Variants in CDK13 observed in about 807,000 individuals in gnomAD.
CDK13 encodes the protein cyclin dependent kinase 13, also known as cyclin-dependent kinase 13.
Under a neutral mutation model 137.6 loss-of-function variants are expected in CDK13, and 40 were observed. That is an observed-to-expected ratio of 0.29 (90% CI 0.23 to 0.38). The LOEUF (loss-of-function observed/expected upper bound fraction) is 0.38, where lower values mean the gene tolerates loss of function less well. CDK13 is among the 10% of genes least tolerant of loss of function. The probability of loss-of-function intolerance (pLI) is 1.00; values close to 1 mark genes in which losing one functional copy is unlikely to be tolerated. For synonymous variants in CDK13, 869 were observed against 760.1 expected, an observed-to-expected ratio of 1.14 and a Z score of -2.36; for missense variants, 1,704 against 1,951.8, an observed-to-expected ratio of 0.87 and a Z score of 2.39.
intron 5 of CDK13, among the ~76,000 whole-genome samples, chr7:40,031,757 C>T (rs960952052): frequency 1.8e-4 from 27 of 151,400 alleles, no homozygotes; most frequent in African/African-American, 2.4e-4. Context: ...GTGATCCTCC[C>T]GCCTCAGCCT....
At chr7:40,014,952 AAAT>A (rs746627771) in intron 5 of CDK13, among the ~76,000 whole-genome samples, 3 of 152,202 alleles carry the variant, frequency 2.0e-5, no homozygotes, top group Non-Finnish European at 2.9e-5. Flanking sequence ...AGTGATCAAT[AAAT>A]TTTTTTGAGG....
At chr7:39,996,867 G>A (rs1465261826) in intron 2 of CDK13, among the ~76,000 whole-genome samples, 1 of 142,050 alleles carries the variant, frequency 7.0e-6, no homozygotes, top group Non-Finnish European at 1.5e-5. Flanking sequence ...GGAGGCTTGA[G>A]ACAAGATAAT....
intron 1 of CDK13, chr7:39,952,070 C>T (rs1787240452): frequency 1.2e-5 from 5 of 406,138 alleles, no homozygotes; most frequent in East Asian, 3.6e-5. Flanking sequence ...GAACTTTTCT[C>T]CTAGCTGTGG....
At chr7:39,997,451 A>G (rs953521064) in intron 2 of CDK13, 43 bp from the exon 3 acceptor site, 15 of 1,507,496 alleles carry the variant, frequency 1.0e-5, no homozygotes, top group Non-Finnish European at 1.3e-5. Context: ...TTTATTAGTC[A>G]ACAAAATTTT....
intron 9 of CDK13, chr7:40,069,901 G>A (rs1322157152): frequency 6.6e-6 from 1 of 152,102 alleles, no homozygotes; most frequent in Non-Finnish European, 1.5e-5. Flanking sequence ...GGCCAACATA[G>A]TGAAACCCCG....
At chr7:40,083,920 A>C (rs1345969186) in intron 11 of CDK13, among the ~76,000 whole-genome samples, 1 of 150,100 alleles carries the variant, frequency 6.7e-6, no homozygotes, top group Admixed American at 6.7e-5. Flanking sequence ...AGTTAAAATT[A>C]TGCATTACTT....
chr7:39,980,796 C>T (rs759668296), intron 1 of CDK13, among the ~76,000 whole-genome samples: 1 of 152,220 alleles, frequency 6.6e-6, no homozygotes, highest in Admixed American at 6.5e-5. Context: ...AAGACCTAGA[C>T]TCCTGGAGAA....
intron 6 of CDK13, 23 bp downstream of exon 6, chr7:40,046,048 T>C (rs1349551487): frequency 7.3e-7 from 1 of 1,364,310 alleles, no homozygotes; most frequent in African/African-American, 1.5e-5. Context: ...ACTTTATATA[T>C]ATTTAAAATG....
intron 5 of CDK13, among the ~76,000 whole-genome samples, chr7:40,042,435 T>C (rs1323625433): frequency 6.6e-6 from 1 of 151,410 alleles, no homozygotes; most frequent in African/African-American, 2.4e-5. Context: ...TAATCTAGTA[T>C]ATGTTATAGA....
In CDK13 at chr7:40,021,801, TGCAC is replaced by T. The variant is rs1431522033; in HGVS notation, c.2353+19771_2353+19774del. On this transcript the variant is annotated intron_variant, in intron 5 of 13. Transcript: ENST00000181839. ...ATAGGAAAAGTTAGAATTTTTGTCA[TGCAC>T]TAAATATGTGAAAAATAGCAACTAA... 5.5e-4 allele frequency among the ~76,000 whole-genome samples: 84 copies of T among 152,160 alleles called. 1 individual carries two copies. Among genetic ancestry groups the T allele is most frequent in the Non-Finnish European group, 6.2e-4 (42 of 67,904 alleles).
At chr7:40,088,038 T>TG in intron 11 of CDK13, 88 bp from the exon 12 acceptor site, 1 of 1,001,510 alleles carries the variant, frequency 1.0e-6, no homozygotes, top group Non-Finnish European at 1.5e-6. Flanking sequence ...CTATTTGGGG[T>TG]GGGGGCATAA....
At chr7:40,040,535 ACAAC>A (rs1259480280) in intron 5 of CDK13, among the ~76,000 whole-genome samples, 2 of 152,226 alleles carry the variant, frequency 1.3e-5, no homozygotes, top group Non-Finnish European at 1.5e-5. Context: ...TTACAGAAAA[ACAAC>A]CAATAAGTAT....
chr7:39,951,846 T>C lies in CDK13; in HGVS notation c.1205T>C (p.Val402Ala), dbSNP rs1787229251. Residue 402 changes from valine to alanine, a missense_variant, in exon 1 of 14, where the codon GTG becomes GCG. Physicochemically the swap from Val to Ala is moderately conservative, Grantham distance 64. Around this residue, in one of 5 missense-constraint regions of CDK13, gnomAD observed 1,051 missense variants for 931.0 expected, o/e 1.13. Coordinates refer to ENST00000181839, the MANE Select transcript of CDK13 (RefSeq NM_003718.5). ...WRRSRSPYSP[V>A]LRRSGKSRSR... ...CGCTCTCGCAGTCCCTACAGCCCTG[T>C]GCTCAGGTGAGTTCTGCCGTTCTGC... 2 of 1,392,224 alleles carry C rather than the reference T, an allele frequency of 1.4e-6. No homozygotes were observed. The highest frequency in any genetic ancestry group is 3.0e-5 in the African/African-American group (2 of 67,176). 86.2% of individuals were successfully genotyped at this position (1,392,224 alleles called of 1,614,324 possible).
chr7:40,020,907 A>G (rs1785102538), intron 5 of CDK13, among the ~76,000 whole-genome samples: 1 of 152,014 alleles, frequency 6.6e-6, no homozygotes, highest in African/African-American at 2.4e-5. Context: ...CCTGGCCAAC[A>G]TGGTGAAACA....
chr7:40,021,845 A>G (rs1785133291), intron 5 of CDK13, among the ~76,000 whole-genome samples: 2 of 152,206 alleles, frequency 1.3e-5, no homozygotes, highest in African/African-American at 2.4e-5. Context: ...TTTCTTTTCA[A>G]GCAGATAGTT....
intron 5 of CDK13, among the ~76,000 whole-genome samples, chr7:40,021,103 GTATA>G (rs146480658): frequency 0.18 from 7,774 of 42,470 alleles, 629 homozygotes; most frequent in African/African-American, 0.23. Context: ...GCAAACAAAC[GTATA>G]TATATATATA....
At position 40,098,723 on chromosome 7, in the gene CDK13, G is replaced by T. The variant is rs1329132403; in HGVS notation, c.*3743G>T. ...CTCTAAGCCATACCTAAATTCTGCA[G>T]TAAATACTTAACTTTTTAATAGGGA... is the stretch of plus-strand genomic sequence containing the variant. On this transcript the variant is annotated 3_prime_UTR_variant, in exon 14 of 14. Transcript: ENST00000181839. 6.6e-6 allele frequency: 1 copy of T among 152,026 alleles called. No homozygotes were observed. The highest frequency in any genetic ancestry group is 1.5e-5 in the Non-Finnish European group (1 of 67,962). 9.4% of individuals were successfully genotyped at this position (152,026 alleles called of 1,614,324 possible).
At chr7:39,970,257 A>G (rs150298498) in intron 1 of CDK13, among the ~76,000 whole-genome samples, 45 of 152,014 alleles carry the variant, frequency 3.0e-4, no homozygotes, top group South Asian at 2.1e-4. Flanking sequence ...TCTGCCTCCC[A>G]AAGTGCTGGG....
intron 3 of CDK13, 167 bp from the exon 4 acceptor site, chr7:39,999,194 T>TA (rs1784632339): frequency 1.5e-5 from 7 of 468,466 alleles, no homozygotes; most frequent in Non-Finnish European, 2.6e-5. Context: ...TACGATAACT[T>TA]ACAATACCAA....
Sources: allele counts gnomAD v4.1 joint callset (sites outside exome capture counted in the v4.1 genomes callset), GRCh38; gene constraint gnomAD v4.1.1; regional missense constraint gnomAD v4.1.1; transcripts MANE v1.5; gene names NCBI Gene and HGNC (gene_info 2026-07-23, HGNC 2026-07-21).